Variants in CCDC6 observed in about 807,000 individuals in gnomAD.
CCDC6 encodes coiled-coil domain-containing protein 6.
A neutral mutation model predicts 56.6 loss-of-function variants in CCDC6; 20 were observed. The ratio of observed to expected loss-of-function variants is 0.35; its 90% CI spans 0.25 to 0.51. The LOEUF (loss-of-function observed/expected upper bound fraction) is 0.51, where lower values mean the gene tolerates loss of function less well. CCDC6 is among the 20% of genes least tolerant of loss of function. The pLI is 0.95. For missense variants in CCDC6, 367 were observed against 601.1 expected (o/e 0.61, Z 4.07); for synonymous variants, 241 against 234.4 (o/e 1.03, Z -0.26).
intron 7 of CCDC6, among the ~76,000 whole-genome samples, chr10:59,796,408 TC>T (rs970984105): frequency 2.6e-5 from 4 of 151,902 alleles, no homozygotes; most frequent in African/African-American, 9.7e-5. Flanking sequence ...AAAAATTTTC[TC>T]CCAATTTGTA....
intron 1 of CCDC6, among the ~76,000 whole-genome samples, chr10:59,880,204 T>C (rs1280446110): frequency 6.6e-6 from 1 of 152,148 alleles, no homozygotes; most frequent in Non-Finnish European, 1.5e-5. Context: ...GCTCAAAGCA[T>C]GGCAGACCAC....
At chr10:59,838,576 A>T (rs1304829184) in intron 2 of CCDC6, among the ~76,000 whole-genome samples, 1 of 152,212 alleles carries the variant, frequency 6.6e-6, no homozygotes, top group Non-Finnish European at 1.5e-5. Flanking sequence ...TTCAGGGTTC[A>T]TGCATGCAGC....
At chr10:59,798,387 G>C (rs1400610560) in intron 7 of CCDC6, among the ~76,000 whole-genome samples, 1 of 152,180 alleles carries the variant, frequency 6.6e-6, no homozygotes, top group African/African-American at 2.4e-5. Flanking sequence ...TATTATCGCA[G>C]GACTTTTCTG....
intron 2 of CCDC6, among the ~76,000 whole-genome samples, chr10:59,833,640 TGG>T (rs58930739): frequency 0.022 from 758 of 34,344 alleles, 10 homozygotes; most frequent in African/African-American, 0.037. Context: ...CACTCTCAAC[TGG>T]GGGGGGGGGG....
chr10:59,792,836 G>T lies in CCDC6; in HGVS notation c.*81C>A. ...GTGCAAATAAGTCATATCCAAATAT[G>T]CCAGAGAAGGAAGCCTTTGGCGTTG... is the stretch of plus-strand genomic sequence containing the variant. On this transcript the variant is annotated 3_prime_UTR_variant, in exon 9 of 9. Transcript: ENST00000263102. The T allele has an allele frequency of 7.4e-7, 1 of 1,350,676 alleles. No individual in the cohort carries two copies. Among genetic ancestry groups the T allele is most frequent in the Non-Finnish European group, 1.1e-6 (1 of 940,506 alleles). The allele number at this position is 1,350,676 out of a possible 1,614,324, so 83.7% of individuals were successfully genotyped here.
At chr10:59,799,248 C>A (rs893403254) in intron 7 of CCDC6, among the ~76,000 whole-genome samples, 1 of 151,772 alleles carries the variant, frequency 6.6e-6, no homozygotes, top group Non-Finnish European at 1.5e-5. Flanking sequence ...CTGGTCAACA[C>A]GGTGAAACCT....
At chr10:59,794,638 C>T (rs1443583728) in intron 7 of CCDC6, 41 bp from the exon 8 acceptor site, 5 of 1,593,628 alleles carry the variant, frequency 3.1e-6, no homozygotes, top group Non-Finnish European at 4.3e-6. Context: ...TTAAGCTCAA[C>T]TATCTGGTGT....
At chr10:59,881,036 T>C (rs973485469) in intron 1 of CCDC6, among the ~76,000 whole-genome samples, 1 of 151,746 alleles carries the variant, frequency 6.6e-6, no homozygotes, top group Non-Finnish European at 1.5e-5. Context: ...ACTCCCTTTA[T>C]CTCCTCCTTC....
intron 2 of CCDC6, among the ~76,000 whole-genome samples, chr10:59,850,071 C>A (rs2071024869): frequency 6.6e-6 from 1 of 152,128 alleles, no homozygotes; most frequent in Non-Finnish European, 1.5e-5. Context: ...TGTTGTGACA[C>A]CTGGTGTCTA....
intron 3 of CCDC6, among the ~76,000 whole-genome samples, chr10:59,818,501 G>T (rs951129060): frequency 7.1e-5 from 10 of 141,526 alleles, no homozygotes; most frequent in East Asian, 2.4e-4. Context: ...TTGACGGGGG[G>T]GGGGGAAGCA....
At chr10:59,805,306 G>C (rs1220202963) in intron 6 of CCDC6, 1 of 152,198 alleles carries the variant, frequency 6.6e-6, no homozygotes, top group African/African-American at 2.4e-5. Context: ...TCCACTAGTA[G>C]ACTAAGAGGC....
rs2070475260 is a variant in CCDC6, at chr10:59,792,321, G to A, written c.*596C>T. The A allele has an allele frequency of 1.6e-5, 6 of 369,214 alleles. No homozygotes were observed. The Admixed American group carries it at 2.6e-4, about 16-fold the overall frequency. 22.9% of individuals were successfully genotyped at this position (369,214 alleles called of 1,614,324 possible). A position where few individuals can be genotyped will look rare whatever the true frequency, so the allele number is the denominator to read the frequency against. ...CATCTGTTTTACGAGAGACATGGATGTCAATAACACAATGAAAATAACCTG... is the reference window on the plus strand; with the variant it reads ...CATCTGTTTTACGAGAGACATGGATATCAATAACACAATGAAAATAACCTG... On this transcript the variant is annotated 3_prime_UTR_variant, in exon 9 of 9. Coordinates refer to ENST00000263102, the MANE Select transcript of CCDC6 (RefSeq NM_005436.5).
intron 1 of CCDC6, among the ~76,000 whole-genome samples, chr10:59,860,924 G>T (rs764476026): frequency 6.6e-6 from 1 of 152,076 alleles, no homozygotes. Flanking sequence ...GCTGGGCACG[G>T]TGACTCATGT....
intron 1 of CCDC6, among the ~76,000 whole-genome samples, chr10:59,877,708 C>T (rs965339368): frequency 6.6e-5 from 10 of 152,018 alleles, no homozygotes; most frequent in African/African-American, 2.4e-4. Flanking sequence ...TGAGTATGAC[C>T]CCATTCTGTG....
At chr10:59,845,348 T>G (rs1418734762) in intron 2 of CCDC6, among the ~76,000 whole-genome samples, 4 of 43,756 alleles carry the variant, frequency 9.1e-5, no homozygotes, top group Non-Finnish European at 1.3e-4. Flanking sequence ...CCCTATGGGT[T>G]TTTTTTTTTT....
chr10:59,794,199 G>A (rs765843178), intron 8 of CCDC6, among the ~76,000 whole-genome samples: 15 of 152,332 alleles, frequency 9.8e-5, no homozygotes, highest in South Asian at 2.1e-4. Flanking sequence ...GCTGGCCAGA[G>A]TTCAATCAAA....
intron 7 of CCDC6, among the ~76,000 whole-genome samples, chr10:59,798,229 C>T (rs1436762282): frequency 2.6e-5 from 4 of 152,208 alleles, no homozygotes; most frequent in African/African-American, 7.2e-5. Context: ...TCTGAACATA[C>T]TATCAGCTAT....
At chr10:59,797,200 C>T (rs1293971195) in intron 7 of CCDC6, among the ~76,000 whole-genome samples, 3 of 152,048 alleles carry the variant, frequency 2.0e-5, no homozygotes, top group African/African-American at 7.2e-5. Flanking sequence ...GTTTAAATAG[C>T]CAATCTCATA....
At chr10:59,819,065 CAT>C (rs1456707338) in intron 3 of CCDC6, among the ~76,000 whole-genome samples, 1 of 152,068 alleles carries the variant, frequency 6.6e-6, no homozygotes, top group Non-Finnish European at 1.5e-5. Flanking sequence ...ATGCATAACT[CAT>C]ATTTGTTTCA....
Sources: gnomAD v4.1 joint callset for allele counts (sites outside exome capture counted in the v4.1 genomes callset) on GRCh38, gnomAD v4.1.1 for gene constraint, MANE v1.5 for transcripts, NCBI Gene and HGNC (gene_info 2026-07-23, HGNC 2026-07-21) for gene names.